Variants in CORO7 observed in about 807,000 individuals in gnomAD.
CORO7 encodes coronin 7.
A neutral mutation model predicts 126.6 loss-of-function variants in CORO7; 107 were observed. The observed-to-expected ratio is 0.85, with a 90% CI of 0.72 to 0.99. CORO7 has a LOEUF of 0.99. CORO7 is among the 50% of genes least tolerant of loss of function. The pLI, the probability that CORO7 is intolerant of heterozygous loss-of-function variation, is 0.00. For missense variants in CORO7, 1,314 were observed against 1,255.8 expected (o/e 1.05, Z -0.70); for synonymous variants, 603 against 536.8 (o/e 1.12, Z -1.70).
At chr16:4,384,410 T>C (rs1376361610) in intron 9 of CORO7, among the ~76,000 whole-genome samples, 2 of 152,170 alleles carry the variant, frequency 1.3e-5, no homozygotes, top group African/African-American at 4.8e-5. Flanking sequence ...CACCTTTTCC[T>C]GTTACCCTCA....
chr16:4,395,192 G>T, intron 7 of CORO7, 97 bp downstream of exon 7: 1 of 1,565,074 alleles, frequency 6.4e-7, no homozygotes, highest in Non-Finnish European at 8.7e-7. Flanking sequence ...ATGTCTGCCA[G>T]GACCCCAGGC....
chr16:4,404,987 G>T (rs976325176), intron 6 of CORO7, among the ~76,000 whole-genome samples: 1 of 152,144 alleles, frequency 6.6e-6, no homozygotes, highest in Non-Finnish European at 1.5e-5. Context: ...CCCCGCACCT[G>T]CCTGTCCTGG....
intron 23 of CORO7, 108 bp downstream of exon 23, chr16:4,359,188 C>G (rs1215076561): frequency 2.4e-6 from 3 of 1,266,154 alleles, no homozygotes. Context: ...AGCCCCAGCC[C>G]AGGACTCTGA....
In CORO7 at chr16:4,355,305, C is replaced by A. The variant is rs1555468223; in HGVS notation, c.2753G>T (p.Gly918Val). ...ACTCACCCACTCGTCCTCGTCCACG[C>A]CTTCAAAGGAGTCCTGGGGGAGTGG... The part of the protein sequence containing the change: ...EDPLPQDSFE[G>V]VDEDEWD Residue 918 changes from glycine to valine, a missense_variant, in exon 27 of 28, where the codon GGC (glycine) becomes GTC (valine). Transcript: ENST00000251166. 2 of 1,613,472 alleles carry A rather than the reference C, an allele frequency of 1.2e-6. No individual in the cohort carries two copies. Among genetic ancestry groups the A allele is most frequent in the South Asian group, 1.1e-5 (1 of 90,998 alleles).
At chr16:4,394,435 C>G (rs556257714) in intron 7 of CORO7, among the ~76,000 whole-genome samples, 4 of 146,348 alleles carry the variant, frequency 2.7e-5, no homozygotes, top group Non-Finnish European at 4.5e-5. Context: ...GGCGACAGAG[C>G]GAGACTCCGT....
intron 9 of CORO7, chr16:4,380,862 C>T (rs779778021): frequency 3.6e-5 from 54 of 1,491,070 alleles, no homozygotes; most frequent in Non-Finnish European, 4.7e-5. Flanking sequence ...CTCCTCTCTG[C>T]TCCCAGGGAC....
intron 7 of CORO7, among the ~76,000 whole-genome samples, chr16:4,394,202 T>G (rs2055496524): frequency 6.6e-6 from 1 of 151,884 alleles, no homozygotes; most frequent in Admixed American, 6.6e-5. Context: ...TCCCAGCACT[T>G]TAGGAGGCCA....
In CORO7 at chr16:4,361,474, G is replaced by A. The variant is rs568412617; in HGVS notation, c.1579-5C>T. On this transcript the variant is annotated splice_region_variant and splice_polypyrimidine_tract_variant and intron_variant, in intron 16 of 27. Coordinates refer to ENST00000251166, the MANE Select transcript of CORO7 (RefSeq NM_024535.5). ...CAGGCGGCCAGGCTTCCGTAGCTGT[G>A]GGAGGTGCCCCCACCCCGAGGCCCA... The A allele has an allele frequency of 2.5e-6, 4 of 1,610,958 alleles. No individual in the cohort carries two copies. In the South Asian group the frequency reaches 4.4e-5, roughly 18 times the overall value.
rs545939145 is a variant in CORO7, at chr16:4,381,634, G to C, written c.785+6352C>G. 1.9e-6 allele frequency: 3 copies of C among 1,599,368 alleles called. No homozygotes were observed. In the South Asian group the frequency reaches 3.4e-5, roughly 18 times the overall value. On this transcript the variant is annotated intron_variant, in intron 9 of 27. Coordinates refer to ENST00000251166, the MANE Select transcript of CORO7 (RefSeq NM_024535.5). Reference sequence around the variant, plus strand: ...GCGGCTGGCCGGCAACACCCGCATTGCCCAGCTGCGGCCCGAGGACCTGGC... The same window carrying C: ...GCGGCTGGCCGGCAACACCCGCATTCCCCAGCTGCGGCCCGAGGACCTGGC...
At chr16:4,382,851 C>A (rs1250391261) in intron 9 of CORO7, 1 of 1,585,488 alleles carries the variant, frequency 6.3e-7, no homozygotes, top group East Asian at 2.3e-5. Flanking sequence ...TCATGGGCTT[C>A]CCAGGGCCTG....
chr16:4,388,215 C>T, intron 8 of CORO7, 147 bp from the exon 9 acceptor site: 1 of 1,017,650 alleles, frequency 9.8e-7, no homozygotes, highest in East Asian at 2.6e-5. Context: ...GGAGTCACCC[C>T]AGGGAAAGAG....
Position 4,382,309 on chromosome 16 carries a change from G to A in CORO7, c.785+5677C>T, listed in dbSNP as rs1355514948. On this transcript the variant is annotated intron_variant, in intron 9 of 27. Transcript: ENST00000251166. The stretch of plus-strand genomic sequence containing the variant: ...GCCGGTGAGCCCCACCTCCCTGCGC[G>A]TGGGGCTGCAGCGCTACCTCCAGGG... 39 of 1,610,852 alleles carry A rather than the reference G, an allele frequency of 2.4e-5. No individual in the cohort carries two copies. Among genetic ancestry groups the A allele is most frequent in the Admixed American group, 3.3e-5 (2 of 59,820 alleles).
At position 4,364,809 on chromosome 16, in the gene CORO7, G is replaced by T. The variant is rs2054296408; in HGVS notation, c.1010C>A (p.Ala337Asp). The change falls in exon 12 of 28, where the codon GCC (alanine) becomes GAC (aspartate). Residue 337 changes from alanine (A) to aspartate (D), a missense_variant. Physicochemically the swap from Ala to Asp is moderately radical, Grantham distance 126. Coordinates refer to ENST00000251166, the MANE Select transcript of CORO7 (RefSeq NM_024535.5). ...VLRVLQLSDT[A>D]IVPIGYHVPR... ...CACATGGTAGCCGATGGGCACGATGGCTGTGTCGCTCAGCTGTAGGACGCG... is the reference window on the plus strand; with the variant it reads ...CACATGGTAGCCGATGGGCACGATGTCTGTGTCGCTCAGCTGTAGGACGCG... 2 of 1,611,860 alleles carry T rather than the reference G, an allele frequency of 1.2e-6. No individual in the cohort carries two copies. Among genetic ancestry groups the T allele is most frequent in the Non-Finnish European group, 1.7e-6 (2 of 1,179,752 alleles).
chr16:4,378,773 G>T (rs1012673042), intron 9 of CORO7, among the ~76,000 whole-genome samples: 4 of 152,084 alleles, frequency 2.6e-5, no homozygotes, highest in African/African-American at 9.7e-5. Flanking sequence ...GGCAGGCTGG[G>T]TCTCACCTTA....
At position 4,381,137 on chromosome 16, in the gene CORO7, A is replaced by G. The variant is rs558651885; in HGVS notation, c.785+6849T>C. ...CAGCTCCTGGACCTGTCACAGAACCAGATCGCCAGCCTGCCCAGCGGGGTC... is the reference window on the plus strand; with the variant it reads ...CAGCTCCTGGACCTGTCACAGAACCGGATCGCCAGCCTGCCCAGCGGGGTC... On this transcript the variant is annotated intron_variant, in intron 9 of 27. Coordinates refer to ENST00000251166, the MANE Select transcript of CORO7 (RefSeq NM_024535.5). 107 of 1,610,490 alleles carry G rather than the reference A, an allele frequency of 6.6e-5. 2 individuals carry two copies. The East Asian group carries it at 2.4e-3, about 36-fold the overall frequency.
chr16:4,400,938 C>T (rs2055780129), intron 6 of CORO7, among the ~76,000 whole-genome samples: 1 of 152,072 alleles, frequency 6.6e-6, no homozygotes, highest in African/African-American at 2.4e-5. Context: ...CCTTATACAA[C>T]TTGCTCACTT....
chr16:4,382,665 C>G, intron 9 of CORO7: 1 of 1,551,288 alleles, frequency 6.4e-7, no homozygotes, highest in Non-Finnish European at 8.7e-7. Flanking sequence ...TGGGGGCAGC[C>G]TACTGTGTGC....
chr16:4,382,698 A>G, intron 9 of CORO7: 1 of 1,547,674 alleles, frequency 6.5e-7, no homozygotes, highest in Non-Finnish European at 8.7e-7. Context: ...CCATGGCAGC[A>G]GCGGCTCAGG....
At chr16:4,379,256 G>A (rs2054866184) in intron 9 of CORO7, among the ~76,000 whole-genome samples, 1 of 152,076 alleles carries the variant, frequency 6.6e-6, no homozygotes, top group Non-Finnish European at 1.5e-5. Flanking sequence ...CCACTGGGCA[G>A]GATGCTTCCT....
Sources: allele counts gnomAD v4.1 joint callset (sites outside exome capture counted in the v4.1 genomes callset), GRCh38; gene constraint gnomAD v4.1.1; transcripts MANE v1.5; gene names NCBI Gene and HGNC (gene_info 2026-07-23, HGNC 2026-07-21).